The following KPNA7 variants were observed in gnomAD, a reference collection of about 807,000 sequenced individuals.
KPNA7 encodes karyopherin subunit alpha 7, also known as importin subunit alpha-8.
A neutral mutation model predicts 53.7 loss-of-function variants in KPNA7; 54 were observed. That is an observed-to-expected ratio of 1.01 (90% CI 0.81 to 1.26). The LOEUF (loss-of-function observed/expected upper bound fraction) is 1.26. Among genes scored for constraint, KPNA7 ranks in the 50% most tolerant of loss-of-function variants. The pLI is 0.00. For synonymous variants in KPNA7, 276 were observed against 259.3 expected, an observed-to-expected ratio of 1.06 and a Z score of -0.62; for missense variants, 640 against 644.5, an observed-to-expected ratio of 0.99 and a Z score of 0.07.
In KPNA7 at chr7:99,185,051, T is replaced by C. The variant is rs937399757; in HGVS notation, c.1012A>G (p.Lys338Glu). The C allele has an allele frequency of 6.4e-7, 1 of 1,551,878 alleles. No individual in the cohort carries two copies. Among genetic ancestry groups the C allele is most frequent in the Middle Eastern group, 1.7e-4 (1 of 5,990 alleles). Residue 338 changes from lysine to glutamate, a missense_variant, in exon 8 of 11, where the codon AAG becomes GAG. Physicochemically the swap from Lys to Glu is moderately conservative, Grantham distance 56. Transcript: ENST00000327442. ...NVLPQLLQHN[K>E]PSIQKEAAWA... Reference sequence around the variant, plus strand: ...GCTGCCTCCTTCTGGATGGAGGGCTTGTTGTGTTGCAGGAGCTGGGGGAGC... The same window carrying C: ...GCTGCCTCCTTCTGGATGGAGGGCTCGTTGTGTTGCAGGAGCTGGGGGAGC...
At chr7:99,186,808 T>A (rs1789618278) in intron 7 of KPNA7, among the ~76,000 whole-genome samples, 2 of 152,000 alleles carry the variant, frequency 1.3e-5, no homozygotes, top group South Asian at 4.1e-4. Flanking sequence ...CCTAGCACTA[T>A]CCCGAAACCA....
chr7:99,156,347 G>A, the KPNA7 span, among the ~76,000 whole-genome samples: 1 of 152,150 alleles, frequency 6.6e-6, no homozygotes, highest in South Asian at 2.1e-4. Flanking sequence ...TCTGATGCCA[G>A]TCTGATTCTC....
the KPNA7 span, among the ~76,000 whole-genome samples, chr7:99,161,125 G>A: frequency 6.6e-6 from 1 of 152,150 alleles, no homozygotes; most frequent in East Asian, 1.9e-4. Flanking sequence ...GCCTCTCAAA[G>A]TTCTGGGATT....
intron 3 of KPNA7, among the ~76,000 whole-genome samples, chr7:99,200,386 A>AG (rs1423691958): frequency 1.3e-5 from 2 of 152,154 alleles, no homozygotes; most frequent in Non-Finnish European, 2.9e-5. Context: ...ATCGAATGCC[A>AG]GGCCCACCCA....
intron 1 of KPNA7, among the ~76,000 whole-genome samples, chr7:99,213,898 T>A (rs1346359085): frequency 6.6e-6 from 1 of 152,170 alleles, no homozygotes; most frequent in Non-Finnish European, 1.5e-5. Flanking sequence ...CATGAGCCAC[T>A]GCACCTGGCC....
chr7:99,176,660 A>AG (rs1192703957), intron 10 of KPNA7, among the ~76,000 whole-genome samples: 8 of 152,068 alleles, frequency 5.3e-5, no homozygotes, highest in Admixed American at 1.3e-4. Context: ...GGCTTGCTTG[A>AG]GCTCAGGAGT....
rs967097269 is a variant in KPNA7, at chr7:99,173,808, T to C, written c.1465-14A>G. 28 of 1,441,848 alleles carry C rather than the reference T, an allele frequency of 1.9e-5. No individual in the cohort carries two copies. Among genetic ancestry groups the C allele is most frequent in the African/African-American group, 1.5e-4 (11 of 70,986 alleles). The allele number at this position is 1,441,848 out of a possible 1,614,324, so 89.3% of individuals were successfully genotyped here. A position where few individuals can be genotyped will look rare whatever the true frequency, so the allele number is the denominator to read the frequency against. Reference sequence around the variant, plus strand: ...CTCATCTTCTTCCTTCAGGAGAGAATAGACACTGTTATACCTCCAGGATTC... The same window carrying C: ...CTCATCTTCTTCCTTCAGGAGAGAACAGACACTGTTATACCTCCAGGATTC... On this transcript the variant is annotated splice_polypyrimidine_tract_variant and intron_variant, in intron 10 of 10. Coordinates refer to ENST00000327442, the MANE Select transcript of KPNA7 (RefSeq NM_001145715.3).
At chr7:99,147,426 A>C in the KPNA7 span, among the ~76,000 whole-genome samples, 2 of 152,260 alleles carry the variant, frequency 1.3e-5, no homozygotes, top group African/African-American at 2.4e-5. Flanking sequence ...GGCATTTTCC[A>C]GCACCATTTT....
downstream of KPNA7, among the ~76,000 whole-genome samples, chr7:99,169,766 C>G (rs1220715622): frequency 6.8e-6 from 1 of 146,364 alleles, no homozygotes; most frequent in Non-Finnish European, 1.5e-5. Flanking sequence ...CTGGGCCAGG[C>G]GCAGTGGCTC....
the KPNA7 span, among the ~76,000 whole-genome samples, chr7:99,159,766 C>T: frequency 1.1e-4 from 17 of 152,062 alleles, no homozygotes; most frequent in Admixed American, 6.6e-4. Context: ...CTCAAGTTTC[C>T]AATTGTCTCA....
At chr7:99,194,992 C>G in intron 5 of KPNA7, 78 bp downstream of exon 5, 1 of 1,454,450 alleles carries the variant, frequency 6.9e-7, no homozygotes, top group Non-Finnish European at 9.3e-7. Context: ...ATCGAGTATA[C>G]CCCACCACCC....
At chr7:99,200,787 A>C (rs141621832) in intron 3 of KPNA7, among the ~76,000 whole-genome samples, 12,049 of 152,148 alleles carry the variant, frequency 0.079, 511 homozygotes, top group South Asian at 0.15. Flanking sequence ...ACCAGCCTGA[A>C]CAACATGGTG....
chr7:99,152,485 G>A, the KPNA7 span, among the ~76,000 whole-genome samples: 1 of 152,166 alleles, frequency 6.6e-6, no homozygotes. Flanking sequence ...GGCATACAAA[G>A]GGAAGTGTTT....
intron 3 of KPNA7, among the ~76,000 whole-genome samples, chr7:99,196,557 C>A (rs376112515): frequency 2.0e-5 from 3 of 152,120 alleles, no homozygotes; most frequent in Admixed American, 2.0e-4. Flanking sequence ...CAAAGGCTTG[C>A]GGCCAATTGT....
chr7:99,192,764 T>C (rs1790020189), intron 6 of KPNA7, among the ~76,000 whole-genome samples: 1 of 152,096 alleles, frequency 6.6e-6, no homozygotes, highest in Admixed American at 6.6e-5. Context: ...TGATCTAGCA[T>C]TGGATTTGGA....
the KPNA7 span, among the ~76,000 whole-genome samples, chr7:99,146,808 C>G: frequency 6.7e-6 from 1 of 150,176 alleles, no homozygotes; most frequent in Non-Finnish European, 1.5e-5. Context: ...GCCCAGCCTA[C>G]CTTAAATGTG....
upstream of KPNA7, among the ~76,000 whole-genome samples, chr7:99,211,272 T>G (rs1280989694): frequency 6.6e-6 from 1 of 152,060 alleles, no homozygotes; most frequent in Non-Finnish European, 1.5e-5. Context: ...ATACAAAGAT[T>G]AGCCAGGTGT....
the KPNA7 span, among the ~76,000 whole-genome samples, chr7:99,147,813 TG>T: frequency 4.5e-4 from 60 of 132,518 alleles, no homozygotes; most frequent in African/African-American, 1.4e-3. Context: ...TTTTTTTTTT[TG>T]ATAAAAGCCT....
At chr7:99,202,617 G>A (rs1312034863) in intron 3 of KPNA7, among the ~76,000 whole-genome samples, 1 of 152,090 alleles carries the variant, frequency 6.6e-6, no homozygotes, top group African/African-American at 2.4e-5. Flanking sequence ...GTCTGAGACA[G>A]GCAGGTCACC....
Sources: allele counts gnomAD v4.1 joint callset (sites outside exome capture counted in the v4.1 genomes callset), GRCh38; gene constraint gnomAD v4.1.1; transcripts MANE v1.5; gene names NCBI Gene and HGNC (gene_info 2026-07-23, HGNC 2026-07-21).